PASD1: variants seen among roughly 807,000 people sequenced by gnomAD.
The protein encoded by PASD1 is PAS domain containing repressor 1.
A neutral mutation model predicts 58.8 loss-of-function variants in PASD1; 13 were observed. The ratio of observed to expected loss-of-function variants is 0.22; its 90% CI spans 0.14 to 0.35. PASD1 has a LOEUF of 0.35. PASD1 is among the 10% of genes least tolerant of loss of function. The pLI, the probability that PASD1 is intolerant of heterozygous loss-of-function variation, is 1.00. For synonymous variants in PASD1, 236 were observed against 216.7 expected, an observed-to-expected ratio of 1.09 and a Z score of -0.78; for missense variants, 734 against 568.3, an observed-to-expected ratio of 1.29 and a Z score of -2.96.
intron 4 of PASD1, among the ~76,000 whole-genome samples, chrX:151,618,842 TGAGA>T (rs745917610): frequency 1.9e-5 from 2 of 106,791 alleles, no homozygotes; most frequent in Non-Finnish European, 3.9e-5. Flanking sequence ...TGGAGTGCAG[TGAGA>T]GAGAGAGAGA....
chrX:151,576,567 G>T (rs1233329651), intron 1 of PASD1, among the ~76,000 whole-genome samples: 1 of 112,222 alleles, frequency 8.9e-6, no homozygotes, highest in Non-Finnish European at 1.9e-5. Flanking sequence ...CACTTTAAAT[G>T]TAGCACTCTT....
At position 151,615,836 on chromosome X, in the gene PASD1, A is replaced by T. The variant is rs566605696; in HGVS notation, c.207+4083A>T. 1.5e-3 allele frequency among the ~76,000 whole-genome samples: 171 copies of T among 112,369 alleles called. 4 individuals carry two copies. The South Asian group carries it at 0.029, about 19-fold the overall frequency. On this transcript the variant is annotated intron_variant, in intron 4 of 15. Coordinates refer to ENST00000370357, the MANE Select transcript of PASD1 (RefSeq NM_173493.3). ...CCTGACCTTTAGTTTCTCTTCTATA[A>T]GTGGGGAAATAATATTACTTAGAGA...
chrX:151,618,304 T>G (rs1325125996), intron 4 of PASD1, among the ~76,000 whole-genome samples: 1 of 112,223 alleles, frequency 8.9e-6, no homozygotes, highest in Non-Finnish European at 1.9e-5. Context: ...GACTGTAGAT[T>G]ATTAATGCTA....
At chrX:151,654,037 T>C (rs1023593472) in intron 9 of PASD1, among the ~76,000 whole-genome samples, 1 of 101,605 alleles carries the variant, frequency 9.8e-6, no homozygotes, top group African/African-American at 3.6e-5. Context: ...AGTGGCATGG[T>C]CAGCTCACTG....
At chrX:151,644,837 C>T (rs749837280) in intron 8 of PASD1, among the ~76,000 whole-genome samples, 2 of 110,551 alleles carry the variant, frequency 1.8e-5, no homozygotes, top group East Asian at 5.7e-4. Context: ...GGGTATGTGA[C>T]CCCAGCTTCT....
intron 2 of PASD1, among the ~76,000 whole-genome samples, chrX:151,602,712 TAAGAAG>T (rs370479799): frequency 1.9e-5 from 2 of 103,063 alleles, no homozygotes; most frequent in African/African-American, 7.4e-5. Flanking sequence ...ATAATAATAA[TAAGAAG>T]AAGAAGAAGA....
chrX:151,630,905 A>G (rs2013858313), intron 8 of PASD1, among the ~76,000 whole-genome samples: 1 of 112,126 alleles, frequency 8.9e-6, no homozygotes, highest in African/African-American at 3.2e-5. Flanking sequence ...TTTTTCATTG[A>G]GGCTACAGGT....
chrX:151,625,608 C>T (rs2013774844), intron 8 of PASD1, 78 bp downstream of exon 8: 2 of 746,195 alleles, frequency 2.7e-6, no homozygotes, highest in South Asian at 2.8e-5. Flanking sequence ...AGAGAAATAA[C>T]ACCTACAGAT....
intron 10 of PASD1, among the ~76,000 whole-genome samples, chrX:151,660,876 G>A (rs922640779): frequency 1.8e-5 from 2 of 112,222 alleles, no homozygotes; most frequent in African/African-American, 6.5e-5. Flanking sequence ...AAACTGGGCC[G>A]GGCACGGTGG....
intron 14 of PASD1, 182 bp from the exon 15 acceptor site, chrX:151,673,746 C>T (rs756392744): frequency 4.1e-6 from 2 of 492,718 alleles, no homozygotes; most frequent in South Asian, 3.3e-5. Context: ...TCAGTGTCTA[C>T]ATTCACATTA....
chrX:151,676,136 C>A lies in PASD1; in HGVS notation c.2315C>A (p.Pro772Gln), dbSNP rs148051878. ...MPAEQRDSNK[P>Q]C ...GCAGAGCAACGTGACTCAAATAAGC[C>A]GTGCTAACAGTACTTTCATGACCAG... Residue 772 changes from proline to glutamine, a missense_variant, in exon 16 of 16, where the codon CCG (proline) becomes CAG (glutamine). Pro to Gln is a moderately conservative substitution (Grantham distance 76, BLOSUM62 -1). Transcript: ENST00000370357. The A allele has an allele frequency of 1.7e-6, 2 of 1,204,694 alleles. No homozygotes were observed. The highest frequency in any genetic ancestry group is 6.0e-5 in the East Asian group (2 of 33,549).
intron 1 of PASD1, among the ~76,000 whole-genome samples, chrX:151,599,174 G>T (rs1230295466): frequency 7.1e-5 from 8 of 112,496 alleles, no homozygotes; most frequent in Non-Finnish European, 1.1e-4. Context: ...CAAGGCAGAA[G>T]AATTTTTCTT....
rs1044230068 is a variant in PASD1, at chrX:151,648,672, T to G, written c.687T>G (p.Ala229=). Residue 229 remains alanine (A), a synonymous_variant, in exon 9 of 16, where the codon GCT becomes GCG. Transcript: ENST00000370357. ...TSMKAVYVEP[A]AAAAAAAISD... ...TGAAAGCCGTGTACGTTGAACCCGCTGCTGCTGCTGCTGCTGCTGCTATCT... is the reference window on the plus strand; with the variant it reads ...TGAAAGCCGTGTACGTTGAACCCGCGGCTGCTGCTGCTGCTGCTGCTATCT... 1 of 1,129,122 alleles carries G rather than the reference T, an allele frequency of 8.9e-7. No individual in the cohort carries two copies. Among genetic ancestry groups the G allele is most frequent in the Non-Finnish European group, 1.2e-6 (1 of 837,845 alleles). The allele number at this position is 1,129,122 out of a possible 1,213,427, so 93.1% of individuals were successfully genotyped here.
chrX:151,573,226 C>A (rs1161972252), intron 1 of PASD1, among the ~76,000 whole-genome samples: 1 of 110,088 alleles, frequency 9.1e-6, no homozygotes, highest in East Asian at 2.9e-4. Context: ...GATCCAGTCA[C>A]CTCCTACCAG....
intron 8 of PASD1, chrX:151,645,621 G>A: frequency 8.9e-6 from 1 of 111,822 alleles, no homozygotes. Context: ...GTAGAATTAG[G>A]TGTTATTTTT....
chrX:151,643,394 G>A (rs1375664962), intron 8 of PASD1, among the ~76,000 whole-genome samples: 1 of 111,290 alleles, frequency 9.0e-6, no homozygotes, highest in East Asian at 2.8e-4. Context: ...AGTTCATTCT[G>A]TGGGGGATGT....
rs1183774257 is a variant in PASD1 at position 151,644,073 on chromosome X, A to T, written c.630-4542A>T. 5.4e-5 allele frequency among the ~76,000 whole-genome samples: 6 copies of T among 112,025 alleles called. No individual in the cohort carries two copies. In the Admixed American group the frequency reaches 5.7e-4, roughly 11 times the overall value. ...GATATTCTGAACCGATCCAAATTAC[A>T]TCCATTGACTATCTGCCTTTAGCCA... is the stretch of plus-strand genomic sequence containing the variant. On this transcript the variant is annotated intron_variant, in intron 8 of 15. Coordinates refer to ENST00000370357, the MANE Select transcript of PASD1 (RefSeq NM_173493.3).
intron 1 of PASD1, among the ~76,000 whole-genome samples, chrX:151,573,687 G>A (rs780908207): frequency 6.2e-5 from 7 of 112,425 alleles, no homozygotes. Flanking sequence ...TAAAGATATA[G>A]GGAAGGACAT....
rs759470037 is a variant in PASD1 at position 151,626,397 on chromosome X, A to G, written c.629+867A>G. On this transcript the variant is annotated intron_variant, in intron 8 of 15. Transcript: ENST00000370357. ...CTAACCCCCAGGAAAATGCCGATTA[A>G]TTTGCCAGATACCACTAAAACCCCT... Among the ~76,000 whole-genome samples the G allele has an allele frequency of 2.1e-3, 233 of 111,979 alleles. 1 individual carries two copies. Among genetic ancestry groups the G allele is most frequent in the Non-Finnish European group, 3.8e-3 (202 of 53,218 alleles).
Sources: allele counts gnomAD v4.1 joint callset (sites outside exome capture counted in the v4.1 genomes callset), GRCh38; gene constraint gnomAD v4.1.1; transcripts MANE v1.5; gene names NCBI Gene and HGNC (gene_info 2026-07-23, HGNC 2026-07-21).